Variants in GRIP1 observed in about 807,000 individuals in gnomAD.
The protein encoded by GRIP1 is glutamate receptor interacting protein 1.
In GRIP1, 45 loss-of-function variants were observed where a neutral mutation model predicts 129.9. That is an observed-to-expected ratio of 0.35 (90% CI 0.27 to 0.44). The LOEUF (loss-of-function observed/expected upper bound fraction) is 0.44, where lower values mean the gene tolerates loss of function less well. Among genes scored for constraint, GRIP1 ranks in the 20% least tolerant of loss-of-function variants. GRIP1 has a pLI of 1.00. For missense variants in GRIP1, 1,196 were observed against 1,396.8 expected, an observed-to-expected ratio of 0.86 and a Z score of 2.29; for synonymous variants, 530 against 520.8, an observed-to-expected ratio of 1.02 and a Z score of -0.24.
intron 7 of GRIP1, among the ~76,000 whole-genome samples, chr12:66,506,614 G>T (rs2060534892): frequency 6.6e-6 from 1 of 152,124 alleles, no homozygotes; most frequent in African/African-American, 2.4e-5. Flanking sequence ...ACACATAAAT[G>T]AAAATTTAAT....
At chr12:66,531,388 T>C (rs1000814528) in intron 4 of GRIP1, among the ~76,000 whole-genome samples, 4 of 150,774 alleles carry the variant, frequency 2.7e-5, no homozygotes, top group Non-Finnish European at 5.9e-5. Context: ...AAAACTTTTC[T>C]TACAGAAATA....
intron 16 of GRIP1, among the ~76,000 whole-genome samples, 195 bp downstream of exon 16, chr12:66,406,085 TTAA>T (rs2057180948): frequency 6.6e-6 from 1 of 152,260 alleles, no homozygotes; most frequent in African/African-American, 2.4e-5. Flanking sequence ...TGAAAATATC[TTAA>T]TGATATCATT....
chr12:66,866,995 A>AT (rs1162725165), intron 1 of GRIP1, among the ~76,000 whole-genome samples: 1 of 152,064 alleles, frequency 6.6e-6, no homozygotes, highest in African/African-American at 2.4e-5. Flanking sequence ...TATTTTATTT[A>AT]TTTTTTATAT....
rs377298158 is a variant in GRIP1 at position 66,884,265 on chromosome 12, C to T, written c.58+184785G>A. Among the ~76,000 whole-genome samples the T allele has an allele frequency of 1.4e-4, 21 of 152,316 alleles. 1 individual carries two copies. Among genetic ancestry groups the T allele is most frequent in the African/African-American group, 4.6e-4 (19 of 41,570 alleles). ...ACAGGGAACTGAGATCCGCACTTCC[C>T]GCTGCTGTGTTAGAACTCTTGCCAG... On this transcript the variant is annotated intron_variant, in intron 1 of 1. Transcript: ENST00000643019.
At chr12:66,716,809 T>C (rs915924668) in intron 1 of GRIP1, among the ~76,000 whole-genome samples, 10 of 152,102 alleles carry the variant, frequency 6.6e-5, no homozygotes, top group African/African-American at 2.4e-4. Flanking sequence ...AGGCTTAAAT[T>C]CCATGTTTTG....
At chr12:66,530,732 TAA>T (rs917447162) in intron 4 of GRIP1, among the ~76,000 whole-genome samples, 1 of 15,686 alleles carries the variant, frequency 6.4e-5, no homozygotes, top group African/African-American at 1.7e-3. Context: ...CATTTCTGCA[TAA>T]AAAAACCCAT....
At chr12:66,866,964 G>A (rs961276004) in intron 1 of GRIP1, among the ~76,000 whole-genome samples, 12 of 151,988 alleles carry the variant, frequency 7.9e-5, no homozygotes, top group Non-Finnish European at 1.8e-4. Flanking sequence ...AGAAAGAATA[G>A]GGCAGTTATT....
chr12:66,641,431 A>T (rs1393298636), intron 1 of GRIP1, among the ~76,000 whole-genome samples: 1 of 152,338 alleles, frequency 6.6e-6, no homozygotes, highest in East Asian at 1.9e-4. Context: ...ATTCTTATTT[A>T]GTTTTTAAAT....
chr12:66,883,315 A>T (rs1053628499), intron 1 of GRIP1, among the ~76,000 whole-genome samples: 8 of 152,098 alleles, frequency 5.3e-5, no homozygotes, highest in Non-Finnish European at 8.8e-5. Flanking sequence ...ACACTAGATT[A>T]TAAATTATTT....
At chr12:66,410,843 C>A (rs1273944259) in intron 15 of GRIP1, among the ~76,000 whole-genome samples, 1 of 152,158 alleles carries the variant, frequency 6.6e-6, no homozygotes, top group Non-Finnish European at 1.5e-5. Flanking sequence ...TATTCAAGTA[C>A]AAGAACCTTA....
chr12:66,723,224 TTC>T (rs1378757184), intron 1 of GRIP1, among the ~76,000 whole-genome samples: 5 of 47,680 alleles, frequency 1.0e-4, no homozygotes, highest in African/African-American at 3.4e-4. Flanking sequence ...CTTTCTTTCT[TTC>T]TCTCTCTCTC....
chr12:66,891,668 A>C (rs2040661100), intron 1 of GRIP1, among the ~76,000 whole-genome samples: 1 of 152,208 alleles, frequency 6.6e-6, no homozygotes, highest in African/African-American at 2.4e-5. Flanking sequence ...ACAAGGATAA[A>C]AACCATAAAA....
At chr12:66,385,531 G>A (rs184107351) in intron 19 of GRIP1, among the ~76,000 whole-genome samples, 6 of 151,640 alleles carry the variant, frequency 4.0e-5, no homozygotes, top group Admixed American at 2.0e-4. Flanking sequence ...AGCAAAACTC[G>A]GTCTCAAAAA....
intron 1 of GRIP1, among the ~76,000 whole-genome samples, chr12:67,020,858 G>C (rs1284326366): frequency 6.6e-6 from 1 of 152,022 alleles, no homozygotes; most frequent in African/African-American, 2.4e-5. Context: ...CCAGTACTTT[G>C]GGAAACCAAG....
chr12:66,801,201 A>G (rs1360533504), intron 1 of GRIP1, among the ~76,000 whole-genome samples: 1 of 152,120 alleles, frequency 6.6e-6, no homozygotes, highest in Non-Finnish European at 1.5e-5. Flanking sequence ...ACTAAAACCC[A>G]GAAATGTTTG....
chr12:66,715,150 T>C (rs1435792047), intron 1 of GRIP1, among the ~76,000 whole-genome samples: 3 of 152,070 alleles, frequency 2.0e-5, no homozygotes, highest in African/African-American at 7.2e-5. Context: ...AATCTTCAAC[T>C]ATTTTCTACT....
intron 2 of GRIP1, among the ~76,000 whole-genome samples, chr12:66,553,148 T>A (rs1565855313): frequency 6.6e-6 from 1 of 152,226 alleles, no homozygotes; most frequent in Non-Finnish European, 1.5e-5. Context: ...TGTTCCCCAT[T>A]GCAGTAAGCA....
At chr12:66,620,622 A>G (rs1289538390) in intron 1 of GRIP1, among the ~76,000 whole-genome samples, 1 of 152,172 alleles carries the variant, frequency 6.6e-6, no homozygotes, top group East Asian at 1.9e-4. Context: ...CTCTGAGGAT[A>G]CTGTGCCTTT....
At chr12:66,813,762 C>A (rs2039151549) in intron 1 of GRIP1, among the ~76,000 whole-genome samples, 1 of 152,140 alleles carries the variant, frequency 6.6e-6, no homozygotes. Context: ...AAGAGGCAGA[C>A]AGGGGCCAGC....
Sources: allele counts gnomAD v4.1 joint callset (sites outside exome capture counted in the v4.1 genomes callset), GRCh38; gene constraint gnomAD v4.1.1; transcripts MANE v1.5; gene names NCBI Gene and HGNC (gene_info 2026-07-23, HGNC 2026-07-21).